NCKAP5: variants seen among roughly 807,000 people sequenced by gnomAD.
NCKAP5 encodes nck-associated protein 5.
In NCKAP5, 92 loss-of-function variants were observed where a neutral mutation model predicts 167.0. That is an observed-to-expected ratio of 0.55 (90% CI 0.47 to 0.66). The LOEUF is 0.66. Ranked by LOEUF, NCKAP5 falls within the 30% of genes least tolerant of loss-of-function variation. NCKAP5 has a pLI of 0.00. For missense variants in NCKAP5, 2,378 were observed against 2,315.0 expected (o/e 1.03, Z -0.56); for synonymous variants, 891 against 877.4 (o/e 1.02, Z -0.27).
At chr2:132,700,658 A>G (rs1490294214) in intron 19 of NCKAP5, among the ~76,000 whole-genome samples, 1 of 152,172 alleles carries the variant, frequency 6.6e-6, no homozygotes, top group East Asian at 1.9e-4. Flanking sequence ...TTTTGAGGAC[A>G]GTACTGGTGA....
At chr2:133,056,411 A>C (rs1361607967) in intron 6 of NCKAP5, among the ~76,000 whole-genome samples, 2 of 152,162 alleles carry the variant, frequency 1.3e-5, no homozygotes, top group Non-Finnish European at 2.9e-5. Flanking sequence ...ATAGTTATTT[A>C]ATAATATTTA....
Position 132,673,080 on chromosome 2 carries a change from C to G in NCKAP5, c.*209G>C. The G allele has an allele frequency of 8.4e-7, 1 of 1,193,428 alleles. No individual in the cohort carries two copies. The allele number at this position is 1,193,428 out of a possible 1,614,324, so 73.9% of individuals were successfully genotyped here. ...GAAGAGAAGCTATCATATAAAGAAT[C>G]ACTCAAAGATTCCAAGTTGTCTACC... On this transcript the variant is annotated 3_prime_UTR_variant, in exon 20 of 20. Coordinates refer to ENST00000409261, the MANE Select transcript of NCKAP5 (RefSeq NM_207363.3).
chr2:133,647,775 GAA>G, the NCKAP5 span, among the ~76,000 whole-genome samples: 10 of 133,020 alleles, frequency 7.5e-5, no homozygotes, highest in East Asian at 5.2e-4. Flanking sequence ...AAAAAGAAAA[GAA>G]AAAAAAGAAA....
At chr2:133,090,616 C>T (rs1266108040) in intron 6 of NCKAP5, among the ~76,000 whole-genome samples, 1 of 152,162 alleles carries the variant, frequency 6.6e-6, no homozygotes, top group African/African-American at 2.4e-5. Flanking sequence ...CAATAAATTT[C>T]TGTCCTTTTA....
chr2:133,250,362 G>T (rs2088249002), intron 4 of NCKAP5, among the ~76,000 whole-genome samples: 1 of 152,116 alleles, frequency 6.6e-6, no homozygotes, highest in South Asian at 2.1e-4. Flanking sequence ...GGACAGCTCA[G>T]CCCTCTGCCT....
At chr2:133,650,678 G>A in the NCKAP5 span, among the ~76,000 whole-genome samples, 3,598 of 151,980 alleles carry the variant, frequency 0.024, 61 homozygotes, top group Non-Finnish European at 0.038. Context: ...AGTTTGAGAC[G>A]AGTCTGGCCA....
intron 5 of NCKAP5, among the ~76,000 whole-genome samples, chr2:133,172,733 C>T (rs1422211978): frequency 6.6e-6 from 1 of 152,058 alleles, no homozygotes; most frequent in East Asian, 1.9e-4. Context: ...CTGCAAGCTC[C>T]GCCTCCCGGG....
intron 11 of NCKAP5, among the ~76,000 whole-genome samples, chr2:132,850,164 A>G (rs1294539114): frequency 6.6e-6 from 1 of 152,200 alleles, no homozygotes; most frequent in African/African-American, 2.4e-5. Context: ...TATTAGATCC[A>G]TGTCCTTATT....
chr2:133,103,267 C>G (rs1161105746), intron 6 of NCKAP5, among the ~76,000 whole-genome samples: 1 of 152,066 alleles, frequency 6.6e-6, no homozygotes, highest in Non-Finnish European at 1.5e-5. Flanking sequence ...AATACTATTT[C>G]CTAAAAGCTG....
intron 3 of NCKAP5, among the ~76,000 whole-genome samples, chr2:133,513,491 G>A (rs1226599061): frequency 6.6e-6 from 1 of 152,226 alleles, no homozygotes; most frequent in Non-Finnish European, 1.5e-5. Flanking sequence ...GCCAGGTAGA[G>A]AAGGAAAAAG....
chr2:132,739,129 C>T (rs1691794288), intron 16 of NCKAP5, among the ~76,000 whole-genome samples: 1 of 152,030 alleles, frequency 6.6e-6, no homozygotes, highest in Non-Finnish European at 1.5e-5. Flanking sequence ...TATAAATTTC[C>T]AAGTGAGTAG....
At chr2:132,981,544 A>C (rs576733347) in intron 7 of NCKAP5, among the ~76,000 whole-genome samples, 6 of 152,282 alleles carry the variant, frequency 3.9e-5, no homozygotes, top group Admixed American at 1.3e-4. Context: ...CCCTATGCTA[A>C]TTCCTAACAG....
At chr2:132,972,103 C>A (rs796127556) in intron 7 of NCKAP5, among the ~76,000 whole-genome samples, 13 of 152,210 alleles carry the variant, frequency 8.5e-5, no homozygotes, top group African/African-American at 3.1e-4. Context: ...GTGGGTGTGG[C>A]CATTAATAGT....
intron 5 of NCKAP5, among the ~76,000 whole-genome samples, chr2:133,167,082 T>A (rs2149970970): frequency 6.6e-6 from 1 of 152,228 alleles, no homozygotes; most frequent in African/African-American, 2.4e-5. Context: ...AATAAAAAAA[T>A]AAAATAAAAT....
chr2:133,615,648 A>G, the NCKAP5 span, among the ~76,000 whole-genome samples: 1 of 152,176 alleles, frequency 6.6e-6, no homozygotes, highest in Non-Finnish European at 1.5e-5. Context: ...CAGATTCATA[A>G]AGCAATTCCT....
chr2:132,815,407 C>T (rs1000591294), intron 11 of NCKAP5, among the ~76,000 whole-genome samples: 1 of 152,168 alleles, frequency 6.6e-6, no homozygotes, highest in Non-Finnish European at 1.5e-5. Context: ...TTGCTTTGAA[C>T]ACTTGTTAGT....
the NCKAP5 span, among the ~76,000 whole-genome samples, chr2:133,584,795 G>A: frequency 6.6e-6 from 1 of 151,920 alleles, no homozygotes; most frequent in Non-Finnish European, 1.5e-5. Context: ...GCAGGGAATG[G>A]GAGGATGTAG....
intron 3 of NCKAP5, among the ~76,000 whole-genome samples, chr2:133,484,048 G>T (rs977129527): frequency 1.1e-4 from 17 of 152,044 alleles, no homozygotes; most frequent in African/African-American, 3.9e-4. Flanking sequence ...CTATTATTTT[G>T]TCCAAATCCC....
At chr2:133,369,496 A>G (rs981759630) in intron 3 of NCKAP5, among the ~76,000 whole-genome samples, 1 of 152,216 alleles carries the variant, frequency 6.6e-6, no homozygotes, top group African/African-American at 2.4e-5. Context: ...TTAAAGTTAT[A>G]ACTGTTTAGC....
Sources: gnomAD v4.1 joint callset for allele counts (sites outside exome capture counted in the v4.1 genomes callset) on GRCh38, gnomAD v4.1.1 for gene constraint, MANE v1.5 for transcripts, NCBI Gene and HGNC (gene_info 2026-07-23, HGNC 2026-07-21) for gene names.